Variants in SPATS1 observed in about 807,000 individuals in gnomAD.
SPATS1 encodes spermatogenesis associated serine rich 1.
SPATS1 carries 23 observed loss-of-function variants against 33.6 expected under a neutral mutation model. That is an observed-to-expected ratio of 0.68 (90% CI 0.49 to 0.97). The LOEUF is 0.97. Among genes scored for constraint, SPATS1 ranks in the 50% least tolerant of loss-of-function variants. The pLI, the probability that SPATS1 is intolerant of heterozygous loss-of-function variation, is 0.00. For synonymous variants in SPATS1, 131 were observed against 125.6 expected (o/e 1.04, Z -0.29); for missense variants, 327 against 361.0 (o/e 0.91, Z 0.76).
rs1788325876 is a variant in SPATS1, at chr6:44,352,890, T to A, written c.287+17T>A. The A allele has an allele frequency of 3.7e-6, 6 of 1,611,888 alleles. No individual in the cohort carries two copies. The highest frequency in any genetic ancestry group is 5.1e-6 in the Non-Finnish European group (6 of 1,178,570). On this transcript the variant is annotated intron_variant, in intron 3 of 8. Coordinates refer to ENST00000674044, the MANE Select transcript of SPATS1 (RefSeq NM_001372081.1). The stretch of plus-strand genomic sequence containing the variant: ...TTACGTAGAGTAAGTAAGGGTCTGG[T>A]GCAGAGCTGTCACGGTTGGGGAGAT...
Position 44,376,454 on chromosome 6 carries a change from G to A in SPATS1, c.855G>A (p.Met285Ile), listed in dbSNP as rs764741471. 9 of 1,609,474 alleles carry A rather than the reference G, an allele frequency of 5.6e-6. No homozygotes were observed. The East Asian group carries it at 1.1e-4, about 20-fold the overall frequency. Residue 285 changes from methionine to isoleucine, a missense_variant, in exon 8 of 9, where the codon ATG becomes ATA. Transcript: ENST00000674044. ...ACTGGCAGCCAGCAGTGCCCTTAAT[G>A]CACATGCTACACCTTTCTGGTGGGT... Reference protein sequence around the residue: ...LDNWQPAVPLMHMLHLSGALD... With the variant: ...LDNWQPAVPLIHMLHLSGALD...
chr6:44,342,750 G>T lies in SPATS1; in HGVS notation c.-19G>T. 2.1e-6 allele frequency: 1 copy of T among 481,338 alleles called. No individual in the cohort carries two copies. The highest frequency in any genetic ancestry group is 4.1e-6 in the Non-Finnish European group (1 of 245,418). The allele number at this position is 481,338 out of a possible 1,614,324, so 29.8% of individuals were successfully genotyped here. On this transcript the variant is annotated 5_prime_UTR_variant, in exon 1 of 9. Coordinates refer to ENST00000674044, the MANE Select transcript of SPATS1 (RefSeq NM_001372081.1). Reference sequence around the variant, plus strand: ...CGTGCGGCGTGCGTTCGGCAGTTCAGTTGCCAGTTGGTTCGTTGGTCCGTG... The same window carrying T: ...CGTGCGGCGTGCGTTCGGCAGTTCATTTGCCAGTTGGTTCGTTGGTCCGTG...
Position 44,360,690 on chromosome 6 carries a change from C to T in SPATS1, c.412+120C>T, listed in dbSNP as rs553780650. The T allele has an allele frequency of 7.5e-5, 90 of 1,200,074 alleles. No homozygotes were observed. In the Middle Eastern group the frequency reaches 1.7e-3, roughly 23 times the overall value. 74.3% of individuals were successfully genotyped at this position (1,200,074 alleles called of 1,614,324 possible). A position where few individuals can be genotyped will look rare whatever the true frequency, so the allele number is the denominator to read the frequency against. On this transcript the variant is annotated intron_variant, in intron 4 of 8. Transcript: ENST00000674044. ...GTCAAGCATTTGATGTACTTTATCTCAAAATTCACAAAACCTCTGCCAGGA... is the reference window on the plus strand; with the variant it reads ...GTCAAGCATTTGATGTACTTTATCTTAAAATTCACAAAACCTCTGCCAGGA...
Position 44,361,979 on chromosome 6 carries a change from G to T in SPATS1, c.561G>T (p.Gly187=). ...LSERTVDKCF[G]RKKYDIDPRN... Reference sequence around the variant, plus strand: ...AGAGGACGGTGGACAAGTGCTTTGGGAGAAAGAAATACGGTGATGTTTCCT... The same window carrying T: ...AGAGGACGGTGGACAAGTGCTTTGGTAGAAAGAAATACGGTGATGTTTCCT... Residue 187 remains glycine (G), a synonymous_variant, in exon 5 of 9, where the codon GGG becomes GGT. Coordinates refer to ENST00000674044, the MANE Select transcript of SPATS1 (RefSeq NM_001372081.1). 1 of 1,614,192 alleles carries T rather than the reference G, an allele frequency of 6.2e-7. No homozygotes were observed. The highest frequency in any genetic ancestry group is 8.5e-7 in the Non-Finnish European group (1 of 1,180,032).
At chr6:44,342,799 GCCTCCCCTGGGGAA>G (rs1787638182) in intron 1 of SPATS1, 31 bp downstream of exon 1, 14 of 659,510 alleles carry the variant, frequency 2.1e-5, no homozygotes, top group Non-Finnish European at 3.5e-5. Context: ...ACAGACCCGG[GCCTCCCCTGGGGAA>G]GGGGGTGGGA....
At position 44,377,381 on chromosome 6, in the gene SPATS1, T is replaced by C; in HGVS notation, c.*318T>C. The C allele has an allele frequency of 2.3e-6, 1 of 428,638 alleles. No homozygotes were observed. Among genetic ancestry groups the C allele is most frequent in the Middle Eastern group, 6.9e-4 (1 of 1,452 alleles). 26.6% of individuals were successfully genotyped at this position (428,638 alleles called of 1,614,324 possible). On this transcript the variant is annotated 3_prime_UTR_variant, in exon 9 of 9. Transcript: ENST00000674044. ...AGTGAGTGGCAGATATTGTAACCCT[T>C]TACACCTGTATACCTACATACCTCA...
chr6:44,353,826 A>G lies in SPATS1; in HGVS notation c.287+953A>G, dbSNP rs369044382. Among the ~76,000 whole-genome samples the G allele has an allele frequency of 1.1e-4, 17 of 150,608 alleles. No individual in the cohort carries two copies. The East Asian group carries it at 3.0e-3, about 27-fold the overall frequency. On this transcript the variant is annotated intron_variant, in intron 3 of 8. Coordinates refer to ENST00000674044, the MANE Select transcript of SPATS1 (RefSeq NM_001372081.1). ...GCCGAGGCTGGTGGATCACGAGGTC[A>G]GGAGATCAAGACCATCCTGGCTAAC...
intron 2 of SPATS1, among the ~76,000 whole-genome samples, chr6:44,345,260 G>T (rs947233737): frequency 5.3e-5 from 8 of 152,042 alleles, no homozygotes; most frequent in Non-Finnish European, 8.8e-5. Flanking sequence ...GCCGTAGTCA[G>T]CTTGATCTAG....
chr6:44,344,649 A>C (rs892494735), intron 2 of SPATS1, among the ~76,000 whole-genome samples: 28 of 152,262 alleles, frequency 1.8e-4, no homozygotes, highest in African/African-American at 6.7e-4. Context: ...CAATCAGCTG[A>C]GATGACAAAC....
At chr6:44,363,056 C>T (rs980148075) in intron 5 of SPATS1, among the ~76,000 whole-genome samples, 9 of 152,004 alleles carry the variant, frequency 5.9e-5, no homozygotes, top group Non-Finnish European at 1.0e-4. Flanking sequence ...AGGCTGGTCT[C>T]GAACTCCGGA....
chr6:44,363,600 T>G (rs919286784), intron 5 of SPATS1, among the ~76,000 whole-genome samples: 2 of 152,142 alleles, frequency 1.3e-5, no homozygotes, highest in Non-Finnish European at 2.9e-5. Flanking sequence ...CTCCTTTCCT[T>G]TCTTTTTCTT....
At chr6:44,355,650 C>T (rs923576371) in intron 3 of SPATS1, among the ~76,000 whole-genome samples, 1 of 152,160 alleles carries the variant, frequency 6.6e-6, no homozygotes, top group Non-Finnish European at 1.5e-5. Flanking sequence ...AAGTAAATTC[C>T]TAGAAATGGA....
intron 2 of SPATS1, among the ~76,000 whole-genome samples, chr6:44,349,605 C>A (rs941944192): frequency 2.0e-5 from 3 of 152,024 alleles, no homozygotes; most frequent in African/African-American, 7.3e-5. Flanking sequence ...TAATTGGCAG[C>A]CTTTGTTCTT....
chr6:44,357,127 C>A (rs1788636500), intron 3 of SPATS1, among the ~76,000 whole-genome samples: 1 of 152,136 alleles, frequency 6.6e-6, no homozygotes, highest in Non-Finnish European at 1.5e-5. Flanking sequence ...GATCTGTCTC[C>A]TTCTCTTCTC....
At chr6:44,376,520 C>A in intron 8 of SPATS1, 47 bp downstream of exon 8, 1 of 1,369,420 alleles carries the variant, frequency 7.3e-7, no homozygotes, top group Non-Finnish European at 1.0e-6. Context: ...TGGAGGAGTC[C>A]GCCGGGTATG....
chr6:44,352,805 A>G lies in SPATS1; in HGVS notation c.219A>G (p.Ser73=). Residue 73 remains serine (S), a synonymous_variant, in exon 3 of 9, where the codon TCA becomes TCG. Transcript: ENST00000674044. ...TTPSGKSVSS[S]SSVETGPSVS... is the part of the protein sequence containing the mutation. ...CCTCTGGCAAAAGTGTCAGTTCCTCATCTTCTGTGGAAACAGGCCCAAGTG... is the reference window on the plus strand; with the variant it reads ...CCTCTGGCAAAAGTGTCAGTTCCTCGTCTTCTGTGGAAACAGGCCCAAGTG... 6.2e-7 allele frequency: 1 copy of G among 1,614,198 alleles called. No homozygotes were observed. Among genetic ancestry groups the G allele is most frequent in the Non-Finnish European group, 8.5e-7 (1 of 1,180,016 alleles).
intron 2 of SPATS1, among the ~76,000 whole-genome samples, chr6:44,345,088 C>A (rs1057073720): frequency 1.3e-5 from 2 of 151,914 alleles, no homozygotes; most frequent in Non-Finnish European, 2.9e-5. Context: ...GTGGGAGCAT[C>A]AGTATTAGTA....
Position 44,379,740 on chromosome 6 carries a change from A to G in SPATS1, c.*2677A>G, listed in dbSNP as rs138551604. Among the ~76,000 whole-genome samples the G allele has an allele frequency of 3.3e-3, 504 of 150,814 alleles. 1 individual carries two copies. The highest frequency in any genetic ancestry group is 0.012 in the African/African-American group (480 of 41,228). On this transcript the variant is annotated 3_prime_UTR_variant, in exon 9 of 9. Coordinates refer to ENST00000674044, the MANE Select transcript of SPATS1 (RefSeq NM_001372081.1). Reference sequence around the variant, plus strand: ...CTAGGTGCTGCTCTAAGTAGATATGATTTGATTCCTTTTTCTTTTAATCCA... The same window carrying G: ...CTAGGTGCTGCTCTAAGTAGATATGGTTTGATTCCTTTTTCTTTTAATCCA...
chr6:44,376,576 C>A (rs995727315), intron 8 of SPATS1, 103 bp downstream of exon 8: 20 of 737,614 alleles, frequency 2.7e-5, no homozygotes, highest in Non-Finnish European at 4.2e-5. Context: ...CCGAGGCGGG[C>A]AGATCACAAG....
Sources: gnomAD v4.1 joint callset for allele counts (sites outside exome capture counted in the v4.1 genomes callset) on GRCh38, gnomAD v4.1.1 for gene constraint, MANE v1.5 for transcripts, NCBI Gene and HGNC (gene_info 2026-07-23, HGNC 2026-07-21) for gene names.